Variants in ACAP2 observed in about 807,000 individuals in gnomAD.
ACAP2 encodes arf-GAP with coiled-coil, ANK repeat and PH domain-containing protein 2.
In ACAP2, 39 loss-of-function variants were observed where a neutral mutation model predicts 115.8. The observed-to-expected ratio is 0.34, with a 90% confidence interval of 0.26 to 0.44. The LOEUF (loss-of-function observed/expected upper bound fraction) is 0.44, where lower values mean the gene tolerates loss of function less well. Among genes scored for constraint, ACAP2 ranks in the 20% least tolerant of loss-of-function variants. The probability of loss-of-function intolerance (pLI) is 1.00; values close to 1 mark genes in which losing one functional copy is unlikely to be tolerated. For missense variants in ACAP2, 662 were observed against 927.6 expected (o/e 0.71, Z 3.72); for synonymous variants, 289 against 315.8 (o/e 0.92, Z 0.90).
intron 4 of ACAP2, among the ~76,000 whole-genome samples, chr3:195,359,348 G>C (rs1037133721): frequency 6.6e-6 from 1 of 152,048 alleles, no homozygotes; most frequent in African/African-American, 2.4e-5. Context: ...TTAATAGAAA[G>C]GTGAAAAGAT....
At chr3:195,420,826 T>G (rs548027566) in intron 1 of ACAP2, among the ~76,000 whole-genome samples, 17 of 152,166 alleles carry the variant, frequency 1.1e-4, no homozygotes, top group African/African-American at 4.1e-4. Flanking sequence ...GTATTTTTAG[T>G]AGAGACAGGG....
intron 21 of ACAP2, 37 bp from the exon 22 acceptor site, chr3:195,285,894 T>A: frequency 6.9e-7 from 1 of 1,439,244 alleles, no homozygotes; most frequent in East Asian, 2.4e-5. Flanking sequence ...GATGACATTA[T>A]ATAATATAAA....
rs750212148 is a variant in ACAP2 at position 195,295,716 on chromosome 3, T to G, written c.1664A>C (p.Gln555Pro). 1 of 1,614,138 alleles carries G rather than the reference T, an allele frequency of 6.2e-7. No homozygotes were observed. Among genetic ancestry groups the G allele is most frequent in the Non-Finnish European group, 8.5e-7 (1 of 1,179,994 alleles). Residue 555 changes from glutamine (Q) to proline (P), a missense_variant, in exon 17 of 23, where the codon CAA becomes CCA. This residue lies in a region of ACAP2 where 133 missense variants were observed against 123.1 expected (regional missense o/e 1.08). Transcript: ENST00000326793. ...AAGAAAGTTTGCCATACCTGAACTT[T>G]GGGCAGATGCTCTGACTTGGTCCCC... ...GPGDQVRASAQSSVRSNDSGI... is the reference protein window; with the variant it reads ...GPGDQVRASAPSSVRSNDSGI...
intron 1 of ACAP2, among the ~76,000 whole-genome samples, chr3:195,426,699 A>G (rs1402249228): frequency 6.6e-6 from 1 of 152,176 alleles, no homozygotes; most frequent in Admixed American, 6.5e-5. Context: ...ACTTCCTAAC[A>G]ATATTAAACA....
chr3:195,391,980 G>C, intron 2 of ACAP2, 110 bp downstream of exon 2: 1 of 836,556 alleles, frequency 1.2e-6, no homozygotes, highest in Non-Finnish European at 1.9e-6. Flanking sequence ...GGGCGACAGA[G>C]TGAGACTCTG....
intron 1 of ACAP2, among the ~76,000 whole-genome samples, chr3:195,393,155 G>A (rs563721787): frequency 1.3e-5 from 2 of 152,152 alleles, no homozygotes; most frequent in East Asian, 3.9e-4. Context: ...AGGAAACACA[G>A]GAAGACCCTG....
chr3:195,412,874 AG>A (rs1184683987), intron 1 of ACAP2: 1 of 456,534 alleles, frequency 2.2e-6, no homozygotes, highest in South Asian at 1.5e-5. Context: ...CTAGAGACTT[AG>A]GAAACAGCAA....
At chr3:195,319,078 G>A (rs1394205148) in intron 10 of ACAP2, among the ~76,000 whole-genome samples, 2 of 152,198 alleles carry the variant, frequency 1.3e-5, no homozygotes, top group Admixed American at 6.5e-5. Flanking sequence ...GGTACAGCTC[G>A]GGCCACTGCT....
intron 4 of ACAP2, among the ~76,000 whole-genome samples, chr3:195,372,281 A>G (rs1458776426): frequency 1.3e-5 from 2 of 152,208 alleles, no homozygotes; most frequent in African/African-American, 2.4e-5. Context: ...CATTAAGAGA[A>G]TAACATTTTA....
chr3:195,351,933 C>T (rs1321255022), intron 4 of ACAP2, among the ~76,000 whole-genome samples: 2 of 152,196 alleles, frequency 1.3e-5, no homozygotes, highest in East Asian at 1.9e-4. Flanking sequence ...TGTGGAACCC[C>T]TGCACTCTTG....
At chr3:195,378,088 GAGGAGGAGGAAGGGAGGAAGGA>G (rs1733682752) in intron 4 of ACAP2, among the ~76,000 whole-genome samples, 1 of 139,976 alleles carries the variant, frequency 7.1e-6, no homozygotes, top group Non-Finnish European at 1.5e-5. Flanking sequence ...GGGAGGAAGG[GAGGAGGAGGAAGGGAGGAAGGA>G]AGGAGAGAGA....
intron 1 of ACAP2, among the ~76,000 whole-genome samples, chr3:195,403,795 A>G (rs888669340): frequency 5.3e-5 from 8 of 152,230 alleles, no homozygotes; most frequent in Admixed American, 4.6e-4. Flanking sequence ...CAAAATATCT[A>G]CTAGATATAC....
intron 4 of ACAP2, chr3:195,357,726 A>T (rs1001354256): frequency 6.6e-6 from 1 of 152,282 alleles, no homozygotes; most frequent in African/African-American, 2.4e-5. Flanking sequence ...ATGTTATCCA[A>T]GACCACAGTA....
At position 195,345,287 on chromosome 3, in the gene ACAP2, T is replaced by C; in HGVS notation, c.316A>G (p.Lys106Glu). The C allele has an allele frequency of 6.2e-7, 1 of 1,611,640 alleles. No homozygotes were observed. Among genetic ancestry groups the C allele is most frequent in the African/African-American group, 1.3e-5 (1 of 75,022 alleles). ...ILFDQTQRSIKAQLQNFVKED... is the reference protein window; with the variant it reads ...ILFDQTQRSIEAQLQNFVKED... ...TTAACAAAGTTCTGAAGCTGTGCCTTAATTGATCTCTGAGTTTGGTCAAAC... is the reference window on the plus strand; with the variant it reads ...TTAACAAAGTTCTGAAGCTGTGCCTCAATTGATCTCTGAGTTTGGTCAAAC... Residue 106 changes from lysine to glutamate, a missense_variant, in exon 5 of 23, where the codon AAG becomes GAG. By Grantham distance (56) the Lys-to-Glu change is moderately conservative (BLOSUM62 1). Around this residue, in one of 3 missense-constraint regions of ACAP2, gnomAD observed 401 missense variants for 604.4 expected, o/e 0.66. Transcript: ENST00000326793.
At chr3:195,295,411 G>A in intron 17 of ACAP2, 2 of 577,220 alleles carry the variant, frequency 3.5e-6, no homozygotes, top group Non-Finnish European at 5.7e-6. Context: ...AGGAAATCAG[G>A]TAGTTAATCA....
Position 195,277,631 on chromosome 3 carries a change from G to A in ACAP2, c.*1697C>T, listed in dbSNP as rs968994330. On this transcript the variant is annotated 3_prime_UTR_variant, in exon 23 of 23. Coordinates refer to ENST00000326793, the MANE Select transcript of ACAP2 (RefSeq NM_012287.6). ...TGTTTAATCAACTTATAAAACCCTA[G>A]TGACTGGGAAATGTTAGAAAATTTA... The A allele has an allele frequency of 2.0e-5, 3 of 152,118 alleles. No individual in the cohort carries two copies. The highest frequency in any genetic ancestry group is 2.9e-5 in the Non-Finnish European group (2 of 68,026). 9.4% of individuals were successfully genotyped at this position (152,118 alleles called of 1,614,324 possible). A position where few individuals can be genotyped will look rare whatever the true frequency, so the allele number is the denominator to read the frequency against.
chr3:195,372,118 G>A (rs780780037), intron 4 of ACAP2, among the ~76,000 whole-genome samples: 7 of 152,094 alleles, frequency 4.6e-5, no homozygotes, highest in Non-Finnish European at 7.3e-5. Context: ...ATATCAGATC[G>A]AGAAGCTAAC....
At chr3:195,378,755 G>A (rs1733748916) in intron 4 of ACAP2, among the ~76,000 whole-genome samples, 1 of 150,198 alleles carries the variant, frequency 6.7e-6, no homozygotes, top group South Asian at 2.1e-4. Context: ...CAGCAACTTG[G>A]GAGGCTGAGG....
chr3:195,351,649 A>T (rs1731616470), intron 4 of ACAP2, among the ~76,000 whole-genome samples: 1 of 151,180 alleles, frequency 6.6e-6, no homozygotes, highest in Non-Finnish European at 1.5e-5. Context: ...TATTTTTAGT[A>T]GACAAAGGGT....
Sources: allele counts gnomAD v4.1 joint callset (sites outside exome capture counted in the v4.1 genomes callset), GRCh38; gene constraint gnomAD v4.1.1; regional missense constraint gnomAD v4.1.1; transcripts MANE v1.5; gene names NCBI Gene and HGNC (gene_info 2026-07-23, HGNC 2026-07-21).